ENTREP2: variants seen among roughly 807,000 people sequenced by gnomAD.
ENTREP2 encodes the protein endosomal transmembrane epsin interactor 2.
At chr15:29,657,446 G>A in the ENTREP2 span, among the ~76,000 whole-genome samples, 1 of 136,178 alleles carries the variant, frequency 7.3e-6, no homozygotes, top group Non-Finnish European at 1.5e-5. Context: ...CCACACAGAA[G>A]TGGACCCCTG....
At chr15:29,380,611 G>A in the ENTREP2 span, among the ~76,000 whole-genome samples, 2 of 152,010 alleles carry the variant, frequency 1.3e-5, no homozygotes, top group Non-Finnish European at 2.9e-5. Flanking sequence ...GCATTTTTCC[G>A]AGGGAAAAAC....
the ENTREP2 span, among the ~76,000 whole-genome samples, chr15:29,175,484 C>A: frequency 6.6e-6 from 1 of 152,196 alleles, no homozygotes; most frequent in Non-Finnish European, 1.5e-5. Flanking sequence ...GAAAAGAGCC[C>A]TAAAGATTAT....
the ENTREP2 span, among the ~76,000 whole-genome samples, chr15:29,497,344 TAA>T: frequency 6.6e-6 from 1 of 152,208 alleles, no homozygotes; most frequent in Non-Finnish European, 1.5e-5. Context: ...GCACTGGTAT[TAA>T]TTCTTCTTTA....
At chr15:29,485,079 G>T in the ENTREP2 span, among the ~76,000 whole-genome samples, 1 of 152,160 alleles carries the variant, frequency 6.6e-6, no homozygotes, top group East Asian at 1.9e-4. Context: ...CAGCAAAAAG[G>T]CAGAGTAGGC....
At chr15:29,366,443 A>G in the ENTREP2 span, among the ~76,000 whole-genome samples, 1 of 152,196 alleles carries the variant, frequency 6.6e-6, no homozygotes, top group African/African-American at 2.4e-5. Flanking sequence ...TAATTTACAT[A>G]AAAGAAAACC....
chr15:29,162,120 C>T, the ENTREP2 span, among the ~76,000 whole-genome samples: 81 of 152,204 alleles, frequency 5.3e-4, 1 homozygote, highest in East Asian at 9.7e-3. Flanking sequence ...GAGAGTCGAG[C>T]GAAATACAGA....
At chr15:29,496,213 G>A in the ENTREP2 span, among the ~76,000 whole-genome samples, 2 of 151,634 alleles carry the variant, frequency 1.3e-5, no homozygotes, top group South Asian at 4.1e-4. Flanking sequence ...ACACTAATGT[G>A]TTATTAGTGT....
chr15:29,399,550 C>A, the ENTREP2 span, among the ~76,000 whole-genome samples: 1 of 152,138 alleles, frequency 6.6e-6, no homozygotes, highest in Admixed American at 6.5e-5. Flanking sequence ...TACCTGGTTA[C>A]AAAATCAATA....
At chr15:29,583,501 G>T in the ENTREP2 span, among the ~76,000 whole-genome samples, 254 of 152,262 alleles carry the variant, frequency 1.7e-3, no homozygotes, top group African/African-American at 5.8e-3. Context: ...AGAGCAATGA[G>T]GGGGAGAGCA....
At chr15:29,307,290 A>T in the ENTREP2 span, among the ~76,000 whole-genome samples, 2 of 39,818 alleles carry the variant, frequency 5.0e-5, no homozygotes, top group Admixed American at 1.9e-4. Context: ...CAGCTAACAT[A>T]AAAAAAAAAA....
chr15:29,176,530 CCAGA>C, the ENTREP2 span, among the ~76,000 whole-genome samples: 2 of 152,146 alleles, frequency 1.3e-5, no homozygotes, highest in South Asian at 2.1e-4. Flanking sequence ...CCTCAGCTCA[CCAGA>C]CAAAGGATAA....
At chr15:29,155,466 C>T in the ENTREP2 span, among the ~76,000 whole-genome samples, 1 of 152,096 alleles carries the variant, frequency 6.6e-6, no homozygotes. Context: ...CAGTTCTTTT[C>T]CCAGACTCAG....
At chr15:29,673,091 G>T in the ENTREP2 span, among the ~76,000 whole-genome samples, 1 of 152,124 alleles carries the variant, frequency 6.6e-6, no homozygotes, top group African/African-American at 2.4e-5. Flanking sequence ...CGTTGCCATG[G>T]CATTTGTGAA....
the ENTREP2 span, among the ~76,000 whole-genome samples, chr15:29,223,888 C>T: frequency 1.1e-4 from 17 of 152,322 alleles, no homozygotes; most frequent in African/African-American, 3.8e-4. Flanking sequence ...GACTGACAGA[C>T]GTCCCAGTGC....
the ENTREP2 span, among the ~76,000 whole-genome samples, chr15:29,475,475 C>T: frequency 1.3e-5 from 2 of 152,284 alleles, no homozygotes; most frequent in South Asian, 4.1e-4. Flanking sequence ...CTCACCGCAC[C>T]TTGGAATGCA....
the ENTREP2 span, among the ~76,000 whole-genome samples, chr15:29,235,707 T>G: frequency 1.3e-5 from 2 of 152,188 alleles, no homozygotes; most frequent in Non-Finnish European, 2.9e-5. Flanking sequence ...AGCTCACGCC[T>G]GTAAACCCAG....
the ENTREP2 span, among the ~76,000 whole-genome samples, chr15:29,582,392 A>G: frequency 6.6e-6 from 1 of 152,220 alleles, no homozygotes; most frequent in Non-Finnish European, 1.5e-5. Context: ...CTAAACAAAA[A>G]GCAGTACAAG....
chr15:29,442,567 A>G, the ENTREP2 span, among the ~76,000 whole-genome samples: 1 of 152,206 alleles, frequency 6.6e-6, no homozygotes, highest in African/African-American at 2.4e-5. Flanking sequence ...TCAGGAAAAC[A>G]CATGTTCCAG....
the ENTREP2 span, among the ~76,000 whole-genome samples, chr15:29,388,859 C>T: frequency 6.7e-6 from 1 of 149,816 alleles, no homozygotes; most frequent in Non-Finnish European, 1.5e-5. Flanking sequence ...CAAACTATCG[C>T]AAGGACAAAA....
Sources: allele counts gnomAD v4.1 joint callset (sites outside exome capture counted in the v4.1 genomes callset), GRCh38; gene constraint gnomAD v4.1.1; transcripts MANE v1.5; gene names NCBI Gene and HGNC (gene_info 2026-07-23, HGNC 2026-07-21).